KPNA1: variants seen among roughly 807,000 people sequenced by gnomAD.
KPNA1 encodes the protein importin subunit alpha-5.
A neutral mutation model predicts 70.5 loss-of-function variants in KPNA1; 10 were observed. That is an observed-to-expected ratio of 0.14 (90% CI 0.09 to 0.24). The LOEUF is 0.24. KPNA1 is among the 10% of genes least tolerant of loss of function. The pLI is 1.00. For synonymous variants in KPNA1, 192 were observed against 221.9 expected (o/e 0.87, Z 1.20); for missense variants, 397 against 637.9 (o/e 0.62, Z 4.07).
rs575190129 is a variant in KPNA1, at chr3:122,421,913, C to T, written c.*5072G>A. ...GGAATTCCTTTGAATTTTCTTTTAT[C>T]AAGCACCCTTTACTAACATCACAAA... On this transcript the variant is annotated 3_prime_UTR_variant, in exon 14 of 14. Transcript: ENST00000344337. 2.0e-5 allele frequency: 3 copies of T among 152,330 alleles called. No homozygotes were observed. In the East Asian group the frequency reaches 5.8e-4, roughly 29 times the overall value. The allele number at this position is 152,330 out of a possible 1,614,324, so 9.4% of individuals were successfully genotyped here. A position where few individuals can be genotyped will look rare whatever the true frequency, so the allele number is the denominator to read the frequency against.
chr3:122,450,623 G>A (rs12054226), intron 8 of KPNA1, among the ~76,000 whole-genome samples: 3,435 of 152,150 alleles, frequency 0.023, 93 homozygotes, highest in East Asian at 0.12. Flanking sequence ...GCATGAATGT[G>A]GTGAAAAGGG....
chr3:122,480,305 G>T (rs1307136039), intron 2 of KPNA1, among the ~76,000 whole-genome samples: 1 of 152,010 alleles, frequency 6.6e-6, no homozygotes, highest in Non-Finnish European at 1.5e-5. Context: ...GTCAATGTAG[G>T]TTCATTAATT....
chr3:122,470,227 A>G (rs1291859565), intron 2 of KPNA1, among the ~76,000 whole-genome samples: 1 of 152,232 alleles, frequency 6.6e-6, no homozygotes, highest in African/African-American at 2.4e-5. Flanking sequence ...AAGCTAAATA[A>G]GTAGGCGGGG....
rs1439877650 is a variant in KPNA1, at chr3:122,426,959, C to A, written c.*26G>T. 1 of 1,601,362 alleles carries A rather than the reference C, an allele frequency of 6.2e-7. No homozygotes were observed. Among genetic ancestry groups the A allele is most frequent in the Admixed American group, 1.7e-5 (1 of 59,688 alleles). The stretch of plus-strand genomic sequence containing the variant: ...CTCGACTGGGTAGCCTGGTCTGACA[C>A]AGGTACGTGAAAGCAGAGTATTGCT... On this transcript the variant is annotated 3_prime_UTR_variant, in exon 14 of 14. Coordinates refer to ENST00000344337, the MANE Select transcript of KPNA1 (RefSeq NM_002264.4).
At chr3:122,490,852 TTTAC>T (rs751045747) in intron 2 of KPNA1, among the ~76,000 whole-genome samples, 10 of 152,154 alleles carry the variant, frequency 6.6e-5, no homozygotes, top group Non-Finnish European at 1.3e-4. Context: ...AATTTTCTTA[TTTAC>T]TTATTTTCTT....
At chr3:122,487,033 C>A (rs914442411) in intron 2 of KPNA1, among the ~76,000 whole-genome samples, 8 of 152,064 alleles carry the variant, frequency 5.3e-5, no homozygotes, top group African/African-American at 1.9e-4. Flanking sequence ...GACCTTCCAG[C>A]GAATAAAAGC....
At chr3:122,492,838 T>C (rs1239142548) in intron 2 of KPNA1, among the ~76,000 whole-genome samples, 1 of 152,220 alleles carries the variant, frequency 6.6e-6, no homozygotes, top group Non-Finnish European at 1.5e-5. Context: ...GCAATGGTCA[T>C]TCACACTGAA....
chr3:122,457,924 T>G, intron 5 of KPNA1: 1 of 1,191,854 alleles, frequency 8.4e-7, no homozygotes, highest in Non-Finnish European at 1.1e-6. Context: ...GAACAGTGCC[T>G]GAGTCATCTG....
intron 5 of KPNA1, chr3:122,460,169 G>A: frequency 1.0e-6 from 1 of 985,078 alleles, no homozygotes; most frequent in Non-Finnish European, 1.2e-6. Flanking sequence ...AGAATTTAGG[G>A]ATCACATGTA....
chr3:122,476,665 C>T (rs1450876609), intron 2 of KPNA1, among the ~76,000 whole-genome samples: 2 of 151,600 alleles, frequency 1.3e-5, no homozygotes, highest in African/African-American at 2.4e-5. Flanking sequence ...GAAAAAAATG[C>T]TCACCATCAC....
At chr3:122,445,162 G>A (rs2076120107) in intron 9 of KPNA1, among the ~76,000 whole-genome samples, 2 of 152,120 alleles carry the variant, frequency 1.3e-5, no homozygotes, top group Non-Finnish European at 2.9e-5. Context: ...CTTGAACAAA[G>A]GTTAGACCAA....
intron 5 of KPNA1, among the ~76,000 whole-genome samples, chr3:122,456,429 T>A (rs1476857264): frequency 6.6e-6 from 1 of 152,124 alleles, no homozygotes; most frequent in African/African-American, 2.4e-5. Context: ...ACAGTGAGAT[T>A]TGGATGCAAA....
At chr3:122,463,881 A>G in intron 4 of KPNA1, 61 bp downstream of exon 4, 1 of 865,326 alleles carries the variant, frequency 1.2e-6, no homozygotes, top group Non-Finnish European at 1.9e-6. Flanking sequence ...TGAAAAACAG[A>G]CTATGGGAAA....
chr3:122,455,932 T>G (rs1300202555), intron 5 of KPNA1, among the ~76,000 whole-genome samples: 1 of 152,176 alleles, frequency 6.6e-6, no homozygotes, highest in East Asian at 1.9e-4. Context: ...AGTATCTGGC[T>G]TTTCTTGTGT....
intron 9 of KPNA1, 139 bp from the exon 10 acceptor site, chr3:122,442,255 G>A (rs1397181257): frequency 7.9e-6 from 5 of 632,016 alleles, no homozygotes; most frequent in African/African-American, 5.5e-5. Flanking sequence ...TTAAGGGAAC[G>A]CTTATCATGA....
intron 12 of KPNA1, 45 bp downstream of exon 12, chr3:122,433,616 A>AT (rs1485536423): frequency 1.3e-6 from 2 of 1,521,098 alleles, no homozygotes; most frequent in African/African-American, 2.8e-5. Flanking sequence ...AGACACAATA[A>AT]TAATTTTTCT....
intron 10 of KPNA1, among the ~76,000 whole-genome samples, chr3:122,439,434 C>T (rs1028725618): frequency 1.3e-5 from 2 of 152,098 alleles, no homozygotes; most frequent in Non-Finnish European, 2.9e-5. Flanking sequence ...AGGCAATTCT[C>T]TCACCTCAGC....
chr3:122,482,385 C>A (rs1050125332), intron 2 of KPNA1, among the ~76,000 whole-genome samples: 4 of 152,168 alleles, frequency 2.6e-5, no homozygotes, highest in African/African-American at 9.7e-5. Context: ...TATGAAAAAC[C>A]TGTCATTAAC....
At chr3:122,458,828 C>T (rs1268165004) in intron 5 of KPNA1, among the ~76,000 whole-genome samples, 3 of 152,132 alleles carry the variant, frequency 2.0e-5, no homozygotes, top group Non-Finnish European at 2.9e-5. Context: ...TGCCCCCTTG[C>T]TTCTGAGGTG....
Sources: gnomAD v4.1 joint callset for allele counts (sites outside exome capture counted in the v4.1 genomes callset) on GRCh38, gnomAD v4.1.1 for gene constraint, MANE v1.5 for transcripts, NCBI Gene and HGNC (gene_info 2026-07-23, HGNC 2026-07-21) for gene names.